PCDH9: variants seen among roughly 807,000 people sequenced by gnomAD.
PCDH9 encodes protocadherin 9.
PCDH9 carries 24 observed loss-of-function variants against 70.6 expected under a neutral mutation model. The observed-to-expected ratio is 0.34, with a 90% CI of 0.25 to 0.48. PCDH9 has a LOEUF of 0.48. Among genes scored for constraint, PCDH9 ranks in the 20% least tolerant of loss-of-function variants. The pLI, the probability that PCDH9 is intolerant of heterozygous loss-of-function variation, is 0.99. For missense variants in PCDH9, 1,281 were observed against 1,503.6 expected, an observed-to-expected ratio of 0.85 and a Z score of 2.45; for synonymous variants, 562 against 558.5, an observed-to-expected ratio of 1.01 and a Z score of -0.09.
intron 4 of PCDH9, among the ~76,000 whole-genome samples, chr13:66,577,458 T>G (rs1413293697): frequency 1.3e-5 from 2 of 151,972 alleles, no homozygotes; most frequent in African/African-American, 4.8e-5. Flanking sequence ...ATTATCAATA[T>G]TATATGAACT....
At chr13:66,463,458 A>AGAGAGAGAGAAAAAAAAGAGAG (rs1211202864) in intron 4 of PCDH9, among the ~76,000 whole-genome samples, 1 of 151,842 alleles carries the variant, frequency 6.6e-6, no homozygotes, top group Non-Finnish European at 1.5e-5. Flanking sequence ...AGACAGAGCA[A>AGAGAGAGAGAAAAAAAAGAGAG]GAGAGAGAGA....
intron 3 of PCDH9, among the ~76,000 whole-genome samples, chr13:66,876,300 A>T (rs2081808378): frequency 6.6e-6 from 1 of 152,180 alleles, no homozygotes; most frequent in Admixed American, 6.5e-5. Context: ...TCTCAGCATA[A>T]ACATAAGATC....
At chr13:66,480,910 C>T (rs1189098091) in intron 4 of PCDH9, among the ~76,000 whole-genome samples, 1 of 152,090 alleles carries the variant, frequency 6.6e-6, no homozygotes, top group Non-Finnish European at 1.5e-5. Flanking sequence ...GAAACCAACC[C>T]AAATGCCCAT....
chr13:66,375,101 C>T (rs927186591), intron 4 of PCDH9, among the ~76,000 whole-genome samples: 3 of 152,016 alleles, frequency 2.0e-5, no homozygotes, highest in African/African-American at 7.2e-5. Flanking sequence ...TGCTACTAAA[C>T]GATAACATAA....
chr13:66,865,831 T>C (rs967963989), intron 3 of PCDH9, among the ~76,000 whole-genome samples: 1 of 152,254 alleles, frequency 6.6e-6, no homozygotes, highest in Non-Finnish European at 1.5e-5. Context: ...TGTAGTAACA[T>C]TAAGTTGTCA....
chr13:66,947,137 C>G (rs1271022160), intron 2 of PCDH9, among the ~76,000 whole-genome samples: 3 of 152,100 alleles, frequency 2.0e-5, no homozygotes, highest in Admixed American at 2.0e-4. Flanking sequence ...GACAGCAGGA[C>G]AGGTTGCAAT....
chr13:66,483,142 A>T (rs1958871419), intron 4 of PCDH9, among the ~76,000 whole-genome samples: 1 of 152,350 alleles, frequency 6.6e-6, no homozygotes, highest in Non-Finnish European at 1.5e-5. Context: ...TTGTTAATTC[A>T]TCGGAACTGC....
At chr13:66,478,998 A>C (rs1958786068) in intron 4 of PCDH9, among the ~76,000 whole-genome samples, 1 of 152,210 alleles carries the variant, frequency 6.6e-6, no homozygotes, top group Admixed American at 6.5e-5. Context: ...AGAACAGGTT[A>C]ACTCTCTTAT....
chr13:66,535,007 C>G (rs560049247), intron 4 of PCDH9, among the ~76,000 whole-genome samples: 1 of 152,050 alleles, frequency 6.6e-6, no homozygotes, highest in Non-Finnish European at 1.5e-5. Flanking sequence ...TACTAAATGG[C>G]TCTGTAATAA....
At chr13:66,989,269 C>A (rs2083954451) in intron 2 of PCDH9, among the ~76,000 whole-genome samples, 1 of 151,808 alleles carries the variant, frequency 6.6e-6, no homozygotes, top group Non-Finnish European at 1.5e-5. Context: ...TTATGGTTAT[C>A]ACTCATTAAA....
chr13:66,889,420 C>T (rs780592041), intron 3 of PCDH9, among the ~76,000 whole-genome samples: 9 of 152,156 alleles, frequency 5.9e-5, no homozygotes, highest in Non-Finnish European at 7.3e-5. Flanking sequence ...CTCAAGGTCA[C>T]GAGCAAGCTT....
At chr13:67,014,179 C>T (rs200601369) in intron 2 of PCDH9, among the ~76,000 whole-genome samples, 13 of 152,148 alleles carry the variant, frequency 8.5e-5, no homozygotes, top group South Asian at 6.2e-4. Flanking sequence ...TACTAGCTTA[C>T]GATACACACT....
At chr13:66,788,648 A>ATTT (rs58386697) in intron 3 of PCDH9, among the ~76,000 whole-genome samples, 1,520 of 81,596 alleles carry the variant, frequency 0.019, 64 homozygotes, top group African/African-American at 0.062. Flanking sequence ...CTAAACAGTA[A>ATTT]TTTTTTTTTT....
At chr13:67,084,140 A>C (rs1314509086) in intron 2 of PCDH9, among the ~76,000 whole-genome samples, 1 of 152,182 alleles carries the variant, frequency 6.6e-6, no homozygotes, top group Non-Finnish European at 1.5e-5. Flanking sequence ...CAGTAGCCAA[A>C]TAAGCTAGAA....
At chr13:67,000,506 G>T (rs1438458133) in intron 2 of PCDH9, among the ~76,000 whole-genome samples, 1 of 145,996 alleles carries the variant, frequency 6.8e-6, no homozygotes, top group Non-Finnish European at 1.5e-5. Context: ...ATAAAAAAAA[G>T]ACTTTATAGA....
At chr13:66,387,067 A>AT (rs1956942386) in intron 4 of PCDH9, among the ~76,000 whole-genome samples, 1 of 152,148 alleles carries the variant, frequency 6.6e-6, no homozygotes, top group African/African-American at 2.4e-5. Context: ...CACTCTAAGG[A>AT]TAATATACCA....
At chr13:66,851,487 A>G (rs962087044) in intron 3 of PCDH9, among the ~76,000 whole-genome samples, 21 of 152,064 alleles carry the variant, frequency 1.4e-4, no homozygotes, top group African/African-American at 3.9e-4. Flanking sequence ...ACACACATCT[A>G]TGAGAAGTAT....
At chr13:66,549,076 G>T (rs140438636) in intron 4 of PCDH9, among the ~76,000 whole-genome samples, 9 of 152,148 alleles carry the variant, frequency 5.9e-5, no homozygotes, top group African/African-American at 1.7e-4. Context: ...CTATTTCCAA[G>T]AAATTCTTTT....
intron 2 of PCDH9, among the ~76,000 whole-genome samples, chr13:67,133,186 A>T (rs545707200): frequency 6.6e-6 from 1 of 152,232 alleles, no homozygotes; most frequent in African/African-American, 2.4e-5. Flanking sequence ...TAAATTTGAC[A>T]TGTGACTTCT....
Sources: gnomAD v4.1 joint callset for allele counts (sites outside exome capture counted in the v4.1 genomes callset) on GRCh38, gnomAD v4.1.1 for gene constraint, MANE v1.5 for transcripts, NCBI Gene and HGNC (gene_info 2026-07-23, HGNC 2026-07-21) for gene names.